Variants in NPAS1 observed in about 807,000 individuals in gnomAD.
NPAS1 encodes neuronal PAS domain-containing protein 1.
A neutral mutation model predicts 49.2 loss-of-function variants in NPAS1; 29 were observed. That is an observed-to-expected ratio of 0.59 (90% CI 0.44 to 0.80). NPAS1 has a LOEUF of 0.80. Among genes scored for constraint, NPAS1 ranks in the 30% least tolerant of loss-of-function variants. The pLI is 0.00. For missense variants in NPAS1, 825 were observed against 835.5 expected, an observed-to-expected ratio of 0.99 and a Z score of 0.15; for synonymous variants, 408 against 380.4, an observed-to-expected ratio of 1.07 and a Z score of -0.84.
chr19:47,039,023 C>T lies in NPAS1; in HGVS notation c.689-13C>T. The T allele has an allele frequency of 6.2e-7, 1 of 1,612,292 alleles. No homozygotes were observed. The highest frequency in any genetic ancestry group is 8.5e-7 in the Non-Finnish European group (1 of 1,178,324). ...TTCAGGACCCCATAACCTTCCTTCA[C>T]TCTCTGTCCCAGAGGCCAGCCTCAC... On this transcript the variant is annotated splice_polypyrimidine_tract_variant and intron_variant, in intron 6 of 11. Transcript: ENST00000602212.
chr19:47,041,368 G>A (rs1316717558), intron 10 of NPAS1, among the ~76,000 whole-genome samples: 1 of 152,146 alleles, frequency 6.6e-6, no homozygotes, highest in Non-Finnish European at 1.5e-5. Flanking sequence ...GGCAGGGGCA[G>A]GCTCACAGCC....
At position 47,021,574 on chromosome 19, in the gene NPAS1, G is replaced by C; in HGVS notation, c.123-38G>C. The C allele has an allele frequency of 1.5e-6, 2 of 1,379,092 alleles. No individual in the cohort carries two copies. Among genetic ancestry groups the C allele is most frequent in the South Asian group, 1.5e-5 (1 of 66,932 alleles). 85.4% of individuals were successfully genotyped at this position (1,379,092 alleles called of 1,614,324 possible). A position where few individuals can be genotyped will look rare whatever the true frequency, so the allele number is the denominator to read the frequency against. On this transcript the variant is annotated intron_variant, in intron 2 of 11. Transcript: ENST00000602212. The surrounding 1 kb of genome is among the most constrained non-coding windows in gnomAD (Gnocchi z 5.7). ...CCCAGTTCCCAAGCCCCTGAGCCCCGGGGCCCCGCCGACACCTCCTCCGCG... is the reference window on the plus strand; with the variant it reads ...CCCAGTTCCCAAGCCCCTGAGCCCCCGGGCCCCGCCGACACCTCCTCCGCG...
At chr19:47,043,791 G>GT (rs1360263171) in intron 11 of NPAS1, among the ~76,000 whole-genome samples, 1 of 151,656 alleles carries the variant, frequency 6.6e-6, no homozygotes, top group African/African-American at 2.4e-5. Context: ...CAGGCCCGGT[G>GT]TGGTGGCTTA....
rs1266318085 is a variant in NPAS1, at chr19:47,045,682, G to GC, written c.*32dup. On this transcript the variant is annotated 3_prime_UTR_variant, in exon 12 of 12. Transcript: ENST00000602212. ...GGCAGAGCTGCCGGCGCCGGACCCT[G>GC]CGACAACCGGGGTCCCCCAGGACAG... is the stretch of plus-strand genomic sequence containing the variant. The GC allele has an allele frequency of 8.6e-6, 12 of 1,390,154 alleles. No individual in the cohort carries two copies. Among genetic ancestry groups the GC allele is most frequent in the Non-Finnish European group, 1.1e-5 (12 of 1,076,704 alleles). 86.1% of individuals were successfully genotyped at this position (1,390,154 alleles called of 1,614,324 possible). A position where few individuals can be genotyped will look rare whatever the true frequency, so the allele number is the denominator to read the frequency against.
chr19:47,028,161 C>A (rs540262791), intron 3 of NPAS1, among the ~76,000 whole-genome samples: 1 of 151,772 alleles, frequency 6.6e-6, no homozygotes, highest in South Asian at 2.1e-4. Context: ...CCAGGCTGAT[C>A]CTGGGAGAGG....
chr19:47,021,391 C>T lies in NPAS1; in HGVS notation c.123-221C>T, dbSNP rs1308096081. Among the ~76,000 whole-genome samples the T allele has an allele frequency of 6.6e-6, 1 of 152,208 alleles. No homozygotes were observed. The highest frequency in any genetic ancestry group is 1.5e-5 in the Non-Finnish European group (1 of 68,028). On this transcript the variant is annotated intron_variant, in intron 2 of 11. Coordinates refer to ENST00000602212, the MANE Select transcript of NPAS1 (RefSeq NM_002517.4). This position sits in a 1 kb window ranked among gnomAD's most constrained non-coding sequence, Gnocchi z 5.7. ...TTCACGCCCAACATCTTTAATCTCTCGCCCTTCCTCCTCCTTCCCACCAGA... is the reference window on the plus strand; with the variant it reads ...TTCACGCCCAACATCTTTAATCTCTTGCCCTTCCTCCTCCTTCCCACCAGA...
At chr19:47,036,878 CA>C (rs1158532982) in intron 6 of NPAS1, among the ~76,000 whole-genome samples, 1 of 150,206 alleles carries the variant, frequency 6.7e-6, no homozygotes, top group African/African-American at 2.4e-5. Context: ...AGACTGTCTC[CA>C]AAAAAAACAA....
chr19:47,029,374 G>A (rs1175482532), intron 3 of NPAS1, among the ~76,000 whole-genome samples: 1 of 147,632 alleles, frequency 6.8e-6, no homozygotes, highest in African/African-American at 2.5e-5. Flanking sequence ...GTGAGCCACT[G>A]CACCCGGCCT....
At chr19:47,031,205 T>C (rs2122480578) in intron 3 of NPAS1, among the ~76,000 whole-genome samples, 1 of 151,576 alleles carries the variant, frequency 6.6e-6, no homozygotes, top group African/African-American at 2.4e-5. Context: ...TTTTTTTTTT[T>C]TTTTTTTTAA....
chr19:47,041,828 T>TTA lies in NPAS1; in HGVS notation c.1217+703_1217+704insTA, dbSNP rs1568510554. Among the ~76,000 whole-genome samples, 20 of 151,512 alleles carry TTA rather than the reference T, an allele frequency of 1.3e-4. No homozygotes were observed. In the South Asian group the frequency reaches 1.9e-3, roughly 14 times the overall value. On this transcript the variant is annotated intron_variant, in intron 10 of 11. Transcript: ENST00000602212. ...CATCTCTATTAAAAAAAAATTTTTT[T>TTA]AATTGGCCCGTTACAGTGGCACGCA...
chr19:47,026,972 A>G (rs976507548), intron 3 of NPAS1, among the ~76,000 whole-genome samples: 1 of 150,904 alleles, frequency 6.6e-6, no homozygotes, highest in Non-Finnish European at 1.5e-5. Context: ...AAAAAGAGAG[A>G]GAGAGAATGG....
At position 47,022,472 on chromosome 19, in the gene NPAS1, G is replaced by A. The variant is rs1010157166; in HGVS notation, c.358+625G>A. ...AAAACGGTCCAACCTCCCCCAGGGG[G>A]CTGAGCAGAGAATCAACCAGGTCAT... On this transcript the variant is annotated intron_variant, in intron 3 of 11. Transcript: ENST00000602212. Among the ~76,000 whole-genome samples, 6 of 152,366 alleles carry A rather than the reference G, an allele frequency of 3.9e-5. No homozygotes were observed. In the East Asian group the frequency reaches 1.2e-3, roughly 29 times the overall value.
intron 3 of NPAS1, among the ~76,000 whole-genome samples, chr19:47,030,876 G>C (rs562509775): frequency 6.6e-6 from 1 of 152,182 alleles, no homozygotes; most frequent in Admixed American, 6.5e-5. Flanking sequence ...CTGACCTCAG[G>C]TGATCCACCC....
intron 10 of NPAS1, among the ~76,000 whole-genome samples, chr19:47,042,008 GGA>G (rs2122550779): frequency 1.0e-5 from 1 of 96,412 alleles, no homozygotes; most frequent in East Asian, 3.2e-4. Context: ...AAAAAAAAAA[GGA>G]AAAAACACCC....
At chr19:47,034,970 T>C (rs1396626816) in intron 5 of NPAS1, among the ~76,000 whole-genome samples, 1 of 150,762 alleles carries the variant, frequency 6.6e-6, no homozygotes, top group African/African-American at 2.5e-5. Flanking sequence ...TCACCTGAGG[T>C]CGGGAGTTTG....
intron 3 of NPAS1, among the ~76,000 whole-genome samples, chr19:47,028,951 T>C (rs2056889900): frequency 6.6e-6 from 1 of 151,964 alleles, no homozygotes; most frequent in South Asian, 2.1e-4. Flanking sequence ...GTAGGGAGGA[T>C]GGGGCAGGGG....
Position 47,021,891 on chromosome 19 carries a change from C to T in NPAS1, c.358+44C>T, listed in dbSNP as rs559556142. The T allele has an allele frequency of 1.9e-5, 25 of 1,282,770 alleles. No homozygotes were observed. Among genetic ancestry groups the T allele is most frequent in the Non-Finnish European group, 2.5e-5 (24 of 979,388 alleles). The allele number at this position is 1,282,770 out of a possible 1,614,324, so 79.5% of individuals were successfully genotyped here. A position where few individuals can be genotyped will look rare whatever the true frequency, so the allele number is the denominator to read the frequency against. On this transcript the variant is annotated intron_variant, in intron 3 of 11. Coordinates refer to ENST00000602212, the MANE Select transcript of NPAS1 (RefSeq NM_002517.4). The surrounding 1 kb of genome is among the most constrained non-coding windows in gnomAD (Gnocchi z 5.7). ...GGCGAGGGTCCCGGGGCCCTCCAGG[C>T]GGAGTCACTGCAGCCCAGATCCGGG...
chr19:47,037,117 C>T (rs1488145101), intron 6 of NPAS1, among the ~76,000 whole-genome samples: 5 of 150,054 alleles, frequency 3.3e-5, no homozygotes, highest in African/African-American at 1.2e-4. Context: ...TTTGGGAGGC[C>T]GAAGTGGGCG....
chr19:47,045,553 C>A lies in NPAS1; in HGVS notation c.1675C>A (p.Leu559Met). ...LGLVYPHLQR[L>M]GPGPALPEAF... Reference sequence around the variant, plus strand: ...CCTGGTGTACCCGCACCTGCAGAGGCTGGGTCCGGGCCCCGCGCTCCCGGA... The same window carrying A: ...CCTGGTGTACCCGCACCTGCAGAGGATGGGTCCGGGCCCCGCGCTCCCGGA... The change falls in exon 12 of 12, where the codon CTG becomes ATG. Residue 559 changes from leucine to methionine, a missense_variant. Transcript: ENST00000602212. 6.6e-7 allele frequency: 1 copy of A among 1,520,870 alleles called. No individual in the cohort carries two copies. The highest frequency in any genetic ancestry group is 8.8e-7 in the Non-Finnish European group (1 of 1,141,786). The allele number at this position is 1,520,870 out of a possible 1,614,324, so 94.2% of individuals were successfully genotyped here.
Sources: allele counts gnomAD v4.1 joint callset (sites outside exome capture counted in the v4.1 genomes callset), GRCh38; gene constraint gnomAD v4.1.1; non-coding constraint Gnocchi (gnomAD v3.1); transcripts MANE v1.5; gene names NCBI Gene and HGNC (gene_info 2026-07-23, HGNC 2026-07-21).